CCDC121: variants seen among roughly 807,000 people sequenced by gnomAD.
The protein encoded by CCDC121 is coiled-coil domain containing 121.
For missense variants in CCDC121, 238 were observed against 304.1 expected, an observed-to-expected ratio of 0.78 and a Z score of 1.62; for synonymous variants, 108 against 120.0, an observed-to-expected ratio of 0.90 and a Z score of 0.65.
At position 27,627,293 on chromosome 2, in the gene CCDC121, T is replaced by C. The variant is rs748000804; in HGVS notation, c.507A>G (p.Lys169=). The change falls in exon 2 of 2, where the codon AAA becomes AAG. Residue 169 remains lysine, a synonymous_variant. Coordinates refer to ENST00000324364, the MANE Select transcript of CCDC121 (RefSeq NM_024584.5). The part of the protein sequence containing the change: ...EPDRRLLGKR[K]RRELNMKAQA... ...GGGCCTTCATATTAAGCTCTCTTCT[T>C]TTTCTCTTTCCCAGTAGCCTCCTGT... The C allele has an allele frequency of 5.0e-5, 80 of 1,613,872 alleles. 1 individual carries two copies. The highest frequency in any genetic ancestry group is 4.8e-4 in the South Asian group (44 of 91,082).
At position 27,627,585 on chromosome 2, in the gene CCDC121, C is replaced by T. The variant is rs773702819; in HGVS notation, c.215G>A (p.Arg72Lys). 1.9e-6 allele frequency: 3 copies of T among 1,614,112 alleles called. No homozygotes were observed. The highest frequency in any genetic ancestry group is 3.3e-5 in the Admixed American group (2 of 60,012). ...LQKSGEIERR[R>K]QESASRYAEQ... ...TGCATATCTGGAGGCTGATTCTTGT[C>T]TTCTTCGTTCAATCTCTCCACTTTT... The change falls in exon 2 of 2, where the codon AGA becomes AAA. Residue 72 changes from arginine (R) to lysine (K), a missense_variant. Physicochemically the swap from Arg to Lys is conservative, Grantham distance 26 (BLOSUM62 2). Coordinates refer to ENST00000324364, the MANE Select transcript of CCDC121 (RefSeq NM_024584.5).
In CCDC121 at chr2:27,627,049, G is replaced by C. The variant is rs1431077325; in HGVS notation, c.751C>G (p.His251Asp). 1.9e-6 allele frequency: 3 copies of C among 1,614,128 alleles called. No homozygotes were observed. Among genetic ancestry groups the C allele is most frequent in the Non-Finnish European group, 2.5e-6 (3 of 1,179,994 alleles). ...TCCTGTCTATTTAGGCACTGATTAT[G>C]ACTTCCTTGCAGTCTCTGCCTCGCC... ...IQARQRLQGS[H>D]NQCLNRQDVP... Residue 251 changes from histidine to aspartate, a missense_variant, in exon 2 of 2, where the codon CAT becomes GAT. Transcript: ENST00000324364.
chr2:27,627,685 A>G lies in CCDC121; in HGVS notation c.115T>C (p.Phe39Leu), dbSNP rs1673332384. ...GTTTTGTTAGTCAGGTATTCCAGAA[A>G]GAATCTGTTTTCAGCCTGGACAAGT... ...KLLVQAENRF[F>L]LEYLTNKTEE... Residue 39 changes from phenylalanine to leucine, a missense_variant, in exon 2 of 2, where the codon TTT (phenylalanine) becomes CTT (leucine). Phe to Leu is a conservative substitution (Grantham distance 22). Transcript: ENST00000324364. The G allele has an allele frequency of 5.6e-6, 9 of 1,612,454 alleles. No individual in the cohort carries two copies. The highest frequency in any genetic ancestry group is 7.6e-6 in the Non-Finnish European group (9 of 1,179,754).
chr2:27,628,281 C>A (rs1673366425), intron 1 of CCDC121: 2 of 1,030,664 alleles, frequency 1.9e-6, no homozygotes, highest in Non-Finnish European at 1.4e-6. Context: ...CAGAAACAGA[C>A]TGGGTGGTCA....
rs755442045 is a variant in CCDC121, at chr2:27,628,632, A to C, written c.-119+318T>G. The stretch of plus-strand genomic sequence containing the variant: ...CGGCTGGTCCAGCCCTGAACTGTTT[A>C]ACCGCCTCGGCTACCGAATAAGCCC... On this transcript the variant is annotated intron_variant, in intron 1 of 1. Coordinates refer to ENST00000324364, the MANE Select transcript of CCDC121 (RefSeq NM_024584.5). 4 of 1,551,420 alleles carry C rather than the reference A, an allele frequency of 2.6e-6. No individual in the cohort carries two copies. The South Asian group carries it at 4.8e-5, about 18-fold the overall frequency.
chr2:27,627,552 A>G lies in CCDC121; in HGVS notation c.248T>C (p.Ile83Thr), dbSNP rs749166361. Reference sequence around the variant, plus strand: ...CAAGAGCGCTGTTTTAAGCACTGAAATTTGTTCTGCATATCTGGAGGCTGA... The same window carrying G: ...CAAGAGCGCTGTTTTAAGCACTGAAGTTTGTTCTGCATATCTGGAGGCTGA... ...QESASRYAEQ[I>T]SVLKTALLQK... The change falls in exon 2 of 2, where the codon ATT becomes ACT. Residue 83 changes from isoleucine to threonine, a missense_variant. Physicochemically the swap from Ile to Thr is moderately conservative, Grantham distance 89 (BLOSUM62 -1). Transcript: ENST00000324364. The G allele has an allele frequency of 5.0e-6, 8 of 1,614,128 alleles. No individual in the cohort carries two copies. The Admixed American group carries it at 1.3e-4, about 27-fold the overall frequency.
Position 27,626,402 on chromosome 2 carries a change from A to G in CCDC121, c.*561T>C, listed in dbSNP as rs550362474. On this transcript the variant is annotated 3_prime_UTR_variant, in exon 2 of 2. Transcript: ENST00000324364. The stretch of plus-strand genomic sequence containing the variant: ...CATCAGATGAAAGGTCACTCTGCCT[A>G]GCACTTACTGGACTTGCTGTTATCA... The G allele has an allele frequency of 2.0e-5, 3 of 152,604 alleles. No homozygotes were observed. The highest frequency in any genetic ancestry group is 4.1e-4 in the South Asian group (2 of 4,830). The allele number at this position is 152,604 out of a possible 1,614,324, so 9.5% of individuals were successfully genotyped here.
intron 1 of CCDC121, chr2:27,628,185 C>T (rs987426118): frequency 3.2e-6 from 2 of 633,288 alleles, no homozygotes; most frequent in African/African-American, 3.7e-5. Flanking sequence ...TTGCCCATGA[C>T]TCACACCACT....
At chr2:27,628,496 AC>A in intron 1 of CCDC121, 1 of 1,551,190 alleles carries the variant, frequency 6.4e-7, no homozygotes, top group Non-Finnish European at 8.7e-7. Flanking sequence ...TGCGTCTGCA[AC>A]TCGCGGGAAC....
chr2:27,628,698 T>C, intron 1 of CCDC121: 1 of 1,551,708 alleles, frequency 6.4e-7, no homozygotes, highest in Non-Finnish European at 8.7e-7. Flanking sequence ...CCGTTCTCTG[T>C]GGGCTCAAAA....
chr2:27,627,434 C>T lies in CCDC121; in HGVS notation c.366G>A (p.Gln122=). 1.2e-6 allele frequency: 2 copies of T among 1,614,170 alleles called. No individual in the cohort carries two copies. The highest frequency in any genetic ancestry group is 2.2e-5 in the South Asian group (2 of 91,082). ...CTTTCTTTGTCTCCTCCTGTAATGT[C>T]TGTATTTCTTTCTCCTGCTTTTCCT... ...ILKEKQEKEI[Q]TLQEETKKVQ... is the part of the protein sequence containing the mutation. The change falls in exon 2 of 2, where the codon CAG becomes CAA. Residue 122 remains glutamine (Q), a synonymous_variant. Transcript: ENST00000324364.
At chr2:27,628,227 G>C (rs1457858804) in intron 1 of CCDC121, 2 of 716,270 alleles carry the variant, frequency 2.8e-6, no homozygotes, top group African/African-American at 3.6e-5. Context: ...ATTAAAGCCA[G>C]ATCTTATGAC....
Position 27,626,846 on chromosome 2 carries a change from C to T in CCDC121, c.*117G>A. Reference sequence around the variant, plus strand: ...AACCATCTAATCCTTCACTCCAACACATCATGATGGAGATTTTACAATAGC... The same window carrying T: ...AACCATCTAATCCTTCACTCCAACATATCATGATGGAGATTTTACAATAGC... On this transcript the variant is annotated 3_prime_UTR_variant, in exon 2 of 2. Coordinates refer to ENST00000324364, the MANE Select transcript of CCDC121 (RefSeq NM_024584.5). 1 of 751,342 alleles carries T rather than the reference C, an allele frequency of 1.3e-6. No homozygotes were observed. Among genetic ancestry groups the T allele is most frequent in the Admixed American group, 2.4e-5 (1 of 41,470 alleles). The allele number at this position is 751,342 out of a possible 1,614,324, so 46.5% of individuals were successfully genotyped here.
In CCDC121 at chr2:27,626,969, T is replaced by C. The variant is rs142953554; in HGVS notation, c.831A>G (p.Pro277=). The change falls in exon 2 of 2, where the codon CCA becomes CCG. Residue 277 remains proline (P), a synonymous_variant. Coordinates refer to ENST00000324364, the MANE Select transcript of CCDC121 (RefSeq NM_024584.5). ...ATCAGTGTTATTTTAGAAGTTACTT[T>C]GGATTAATCCTTGATTTGGTGCCTT... ...LPQGTKSRIN[P]K 511 of 1,596,324 alleles carry C rather than the reference T, an allele frequency of 3.2e-4. No homozygotes were observed. The African/African-American group carries it at 5.9e-3, about 18-fold the overall frequency.
At position 27,626,833 on chromosome 2, in the gene CCDC121, C is replaced by G. The variant is rs546976807; in HGVS notation, c.*130G>C. 2 of 683,010 alleles carry G rather than the reference C, an allele frequency of 2.9e-6. No homozygotes were observed. The highest frequency in any genetic ancestry group is 5.1e-6 in the Non-Finnish European group (2 of 395,038). 42.3% of individuals were successfully genotyped at this position (683,010 alleles called of 1,614,324 possible). On this transcript the variant is annotated 3_prime_UTR_variant, in exon 2 of 2. Coordinates refer to ENST00000324364, the MANE Select transcript of CCDC121 (RefSeq NM_024584.5). ...GACTGTTGGATAAAACCATCTAATC[C>G]TTCACTCCAACACATCATGATGGAG...
intron 1 of CCDC121, 23 bp from the exon 2 acceptor site, chr2:27,627,940 CCT>C: frequency 6.6e-7 from 1 of 1,511,182 alleles, no homozygotes; most frequent in Non-Finnish European, 9.2e-7. Flanking sequence ...ACGAGACATT[CCT>C]CTGTCAGTTA....
chr2:27,628,658 G>A (rs1174906474), intron 1 of CCDC121: 23 of 1,551,390 alleles, frequency 1.5e-5, no homozygotes, highest in Non-Finnish European at 1.9e-5. Context: ...GAATAAGCCC[G>A]AGCAGCCGGT....
intron 1 of CCDC121, chr2:27,628,701 G>C: frequency 6.4e-7 from 1 of 1,551,656 alleles, no homozygotes; most frequent in South Asian, 1.2e-5. Context: ...TTCTCTGTGG[G>C]CTCAAAATGA....
Position 27,626,908 on chromosome 2 carries a change from G to A in CCDC121, c.*55C>T, listed in dbSNP as rs749099574. 3.2e-6 allele frequency: 4 copies of A among 1,266,188 alleles called. No homozygotes were observed. The highest frequency in any genetic ancestry group is 2.3e-5 in the East Asian group (1 of 42,886). The allele number at this position is 1,266,188 out of a possible 1,614,324, so 78.4% of individuals were successfully genotyped here. Reference sequence around the variant, plus strand: ...CAACAGCCTTTCTAACCAGGTTAATGTAGCACTTAAGAGTACTTGCTCCAG... The same window carrying A: ...CAACAGCCTTTCTAACCAGGTTAATATAGCACTTAAGAGTACTTGCTCCAG... On this transcript the variant is annotated 3_prime_UTR_variant, in exon 2 of 2. Transcript: ENST00000324364.
Sources: gnomAD v4.1 joint callset for allele counts on GRCh38, gnomAD v4.1.1 for gene constraint, MANE v1.5 for transcripts, NCBI Gene and HGNC (gene_info 2026-07-23, HGNC 2026-07-21) for gene names.